RASGRP4: variants seen among roughly 807,000 people sequenced by gnomAD.
RASGRP4 encodes RAS guanyl-releasing protein 4.
A neutral mutation model predicts 84.4 loss-of-function variants in RASGRP4; 52 were observed. That is an observed-to-expected ratio of 0.62 (90% CI 0.49 to 0.78). The LOEUF is 0.78. Among genes scored for constraint, RASGRP4 ranks in the 30% least tolerant of loss-of-function variants. RASGRP4 has a pLI of 0.00. For missense variants in RASGRP4, 760 were observed against 886.9 expected (o/e 0.86, Z 1.82); for synonymous variants, 356 against 359.1 (o/e 0.99, Z 0.10).
chr19:38,411,465 G>A, intron 13 of RASGRP4, 84 bp from the exon 14 acceptor site: 1 of 1,283,598 alleles, frequency 7.8e-7, no homozygotes, highest in Middle Eastern at 1.9e-4. Context: ...GTGGAAGTGT[G>A]GAAGCTACCC....
rs1971618778 is a variant in RASGRP4, at chr19:38,418,895, G to A, written c.664-331C>T. ...ATAGAGGATAGGTAATTTGCCCAGGGTCACACAGGTGTGAGTCAGGGTGGG... is the reference window on the plus strand; with the variant it reads ...ATAGAGGATAGGTAATTTGCCCAGGATCACACAGGTGTGAGTCAGGGTGGG... On this transcript the variant is annotated intron_variant, in intron 6 of 16. Transcript: ENST00000615439. This position sits in a 1 kb window ranked among gnomAD's most constrained non-coding sequence, Gnocchi z 4.6. 1.3e-5 allele frequency among the ~76,000 whole-genome samples: 2 copies of A among 152,170 alleles called. No individual in the cohort carries two copies. Among genetic ancestry groups the A allele is most frequent in the Non-Finnish European group, 2.9e-5 (2 of 68,040 alleles).
At chr19:38,419,835 G>T (rs773251499) in intron 6 of RASGRP4, 25 bp downstream of exon 6, 1 of 1,562,866 alleles carries the variant, frequency 6.4e-7, no homozygotes, top group Admixed American at 1.9e-5. Flanking sequence ...CCCTGCTTGG[G>T]ACGGGGATGG....
Position 38,409,990 on chromosome 19 carries a change from C to T in RASGRP4, c.*50G>A, listed in dbSNP as rs1374372584. 3.9e-6 allele frequency: 6 copies of T among 1,523,210 alleles called. No individual in the cohort carries two copies. Among genetic ancestry groups the T allele is most frequent in the Admixed American group, 1.8e-5 (1 of 56,342 alleles). 94.4% of individuals were successfully genotyped at this position (1,523,210 alleles called of 1,614,324 possible). A position where few individuals can be genotyped will look rare whatever the true frequency, so the allele number is the denominator to read the frequency against. ...CCTGCCAGAGTCTGACGGCAGGACT[C>T]AGGACTGACTGGGGGAAGGGAGTGA... is the stretch of plus-strand genomic sequence containing the variant. On this transcript the variant is annotated 3_prime_UTR_variant, in exon 17 of 17. Transcript: ENST00000615439.
chr19:38,421,767 A>G (rs573897383), intron 2 of RASGRP4, among the ~76,000 whole-genome samples: 105 of 147,424 alleles, frequency 7.1e-4, no homozygotes, highest in African/African-American at 2.6e-3. Flanking sequence ...TAATATACAC[A>G]TATATTATAT....
rs1467408880 is a variant in RASGRP4, at chr19:38,411,123, G to T, written c.1844C>A (p.Ala615Asp). 5.0e-6 allele frequency: 8 copies of T among 1,613,448 alleles called. No homozygotes were observed. Among genetic ancestry groups the T allele is most frequent in the Non-Finnish European group, 5.9e-6 (7 of 1,179,738 alleles). Residue 615 changes from alanine (A) to aspartate (D), a missense_variant, in exon 15 of 17, where the codon GCC becomes GAC. Transcript: ENST00000615439. ...APVPSTPAPHASCGSEENHSY... is the reference protein window; with the variant it reads ...APVPSTPAPHDSCGSEENHSY... Reference sequence around the variant, plus strand: ...TGTGCTCTAGGTCTTACCACAGCTGGCATGGGGAGCTGGTGTGGATGGGAC... The same window carrying T: ...TGTGCTCTAGGTCTTACCACAGCTGTCATGGGGAGCTGGTGTGGATGGGAC...
intron 2 of RASGRP4, 60 bp downstream of exon 2, chr19:38,421,909 A>G: frequency 2.0e-6 from 3 of 1,469,214 alleles, no homozygotes; most frequent in Non-Finnish European, 2.8e-6. Flanking sequence ...TGAGGTGGAG[A>G]GAAGCGAGTG....
Position 38,411,137 on chromosome 19 carries a change from T to C in RASGRP4, c.1830A>G (p.Thr610=). ...AGPPGAPVPS[T]PAPHASCGSE... is the part of the protein sequence containing the mutation. ...TACCACAGCTGGCATGGGGAGCTGG[T>C]GTGGATGGGACAGGAGCTCCGGGGG... Residue 610 remains threonine (T), a synonymous_variant, in exon 15 of 17, where the codon ACA becomes ACG. Coordinates refer to ENST00000615439, the MANE Select transcript of RASGRP4 (RefSeq NM_170604.3). The C allele has an allele frequency of 1.9e-6, 3 of 1,613,766 alleles. No homozygotes were observed. Among genetic ancestry groups the C allele is most frequent in the South Asian group, 2.2e-5 (2 of 91,088 alleles).
At position 38,412,124 on chromosome 19, in the gene RASGRP4, TG is replaced by T. The variant is rs1971287352; in HGVS notation, c.1680+547del. On this transcript the variant is annotated intron_variant, in intron 13 of 16. Transcript: ENST00000615439. The surrounding 1 kb of genome is among the most constrained non-coding windows in gnomAD (Gnocchi z 4.6). ...TTGTTGTTGTTGTTGTTGTTGTTGT[TG>T]TTGTTGTTTTTGAGACAGAATCTCG... is the stretch of plus-strand genomic sequence containing the variant. Among the ~76,000 whole-genome samples, 1 of 137,438 alleles carries T rather than the reference TG, an allele frequency of 7.3e-6. No individual in the cohort carries two copies. Among genetic ancestry groups the T allele is most frequent in the South Asian group, 2.1e-4 (1 of 4,706 alleles). The allele number at this position is 137,438 out of a possible 152,430, so 90.2% of individuals were successfully genotyped here.
intron 1 of RASGRP4, among the ~76,000 whole-genome samples, chr19:38,424,814 C>T (rs1355076348): frequency 4.6e-5 from 7 of 151,954 alleles, no homozygotes; most frequent in Admixed American, 3.9e-4. Flanking sequence ...AGTGTGGGCA[C>T]CCAGCTAGTA....
chr19:38,414,291 G>A (rs1971400249), intron 9 of RASGRP4, among the ~76,000 whole-genome samples: 1 of 151,894 alleles, frequency 6.6e-6, no homozygotes, highest in Admixed American at 6.6e-5. Context: ...ACCCTCTGAA[G>A]TGGGTCCTTT....
Position 38,410,913 on chromosome 19 carries a change from G to A in RASGRP4, c.1938C>T (p.Ser646=). 2 of 1,602,210 alleles carry A rather than the reference G, an allele frequency of 1.2e-6. No homozygotes were observed. The highest frequency in any genetic ancestry group is 1.1e-5 in the South Asian group (1 of 88,720). ...QLRHAWTQTE[S]PHPSWETDTV... ...TATCTGTTTCCCAGGAAGGGTGTGG[G>A]GATTCAGTCTGGGTCCAGGCATGGC... Residue 646 remains serine (S), a synonymous_variant, in exon 16 of 17, where the codon TCC becomes TCT. Transcript: ENST00000615439.
intron 4 of RASGRP4, 57 bp from the exon 5 acceptor site, chr19:38,420,319 G>C: frequency 1.9e-6 from 3 of 1,573,324 alleles, no homozygotes; most frequent in Non-Finnish European, 2.6e-6. Context: ...GTCTCTACAA[G>C]GGGTATTTTG....
Position 38,418,271 on chromosome 19 carries a change from CG to C in RASGRP4, c.837+119del. ...AATGCCCAGGCTGTGGCCTCGGGGG[CG>C]GGGCCGGGAGATGCGTGACGTCACC... On this transcript the variant is annotated intron_variant, in intron 7 of 16. Coordinates refer to ENST00000615439, the MANE Select transcript of RASGRP4 (RefSeq NM_170604.3). The surrounding 1 kb of genome is among the most constrained non-coding windows in gnomAD (Gnocchi z 4.6). The C allele has an allele frequency of 9.6e-7, 1 of 1,037,802 alleles. No individual in the cohort carries two copies. Among genetic ancestry groups the C allele is most frequent in the African/African-American group, 1.6e-5 (1 of 62,586 alleles). 64.3% of individuals were successfully genotyped at this position (1,037,802 alleles called of 1,614,324 possible). A position where few individuals can be genotyped will look rare whatever the true frequency, so the allele number is the denominator to read the frequency against.
Position 38,410,960 on chromosome 19 carries a change from G to A in RASGRP4, c.1891C>T (p.Pro631Ser), listed in dbSNP as rs1484443791. The A allele has an allele frequency of 1.9e-6, 3 of 1,603,076 alleles. No individual in the cohort carries two copies. Among genetic ancestry groups the A allele is most frequent in the East Asian group, 2.2e-5 (1 of 44,514 alleles). Residue 631 changes from proline (P) to serine (S), a missense_variant, in exon 16 of 17, where the codon CCT becomes TCT. By Grantham distance (74) the Pro-to-Ser change is moderately conservative. Transcript: ENST00000615439. ...ENHSYTLSLEPETGCQLRHAW... is the reference protein window; with the variant it reads ...ENHSYTLSLESETGCQLRHAW... Reference sequence around the variant, plus strand: ...TGGCGAAGCTGGCACCCAGTCTCAGGCTCCAGGGATAGCGTGTAGGAGTGA... The same window carrying A: ...TGGCGAAGCTGGCACCCAGTCTCAGACTCCAGGGATAGCGTGTAGGAGTGA...
intron 2 of RASGRP4, 24 bp downstream of exon 2, chr19:38,421,945 G>A: frequency 1.3e-6 from 2 of 1,596,894 alleles, no homozygotes; most frequent in Non-Finnish European, 1.7e-6. Flanking sequence ...GGGCCAGGGA[G>A]GCTGCTGGGG....
At chr19:38,422,197 G>C (rs79461922) in intron 1 of RASGRP4, 44 bp from the exon 2 acceptor site, 1 of 1,536,800 alleles carries the variant, frequency 6.5e-7, no homozygotes, top group Non-Finnish European at 8.8e-7. Context: ...ACCTTCTTTC[G>C]GACAGACCCT....
Position 38,417,184 on chromosome 19 carries a change from T to C in RASGRP4, c.838-16A>G. 6.6e-7 allele frequency: 1 copy of C among 1,514,222 alleles called. No individual in the cohort carries two copies. The highest frequency in any genetic ancestry group is 2.4e-5 in the East Asian group (1 of 40,830). 93.8% of individuals were successfully genotyped at this position (1,514,222 alleles called of 1,614,324 possible). Reference sequence around the variant, plus strand: ...GGTGGAGCCTCTAGGAAGAGAAGCATGCACACAGGGCCGTCACGGGAGGGA... The same window carrying C: ...GGTGGAGCCTCTAGGAAGAGAAGCACGCACACAGGGCCGTCACGGGAGGGA... On this transcript the variant is annotated splice_polypyrimidine_tract_variant and intron_variant, in intron 7 of 16. Coordinates refer to ENST00000615439, the MANE Select transcript of RASGRP4 (RefSeq NM_170604.3). This position sits in a 1 kb window ranked among gnomAD's most constrained non-coding sequence, Gnocchi z 5.1.
At chr19:38,420,435 T>G (rs1244762458) in intron 4 of RASGRP4, among the ~76,000 whole-genome samples, 173 bp from the exon 5 acceptor site, 1 of 137,402 alleles carries the variant, frequency 7.3e-6, no homozygotes, top group Non-Finnish European at 1.6e-5. Context: ...ATCTCTGGAG[T>G]AGGATGGGGG....
At position 38,413,501 on chromosome 19, in the gene RASGRP4, C is replaced by G. The variant is rs1160570011; in HGVS notation, c.1231-27G>C. ...TGGAGCAGACAGGGGTGTTACGGAT[C>G]CTCCCATCTATAGCCCTGCCCCAGA... On this transcript the variant is annotated intron_variant, in intron 9 of 16. Transcript: ENST00000615439. This position sits in a 1 kb window ranked among gnomAD's most constrained non-coding sequence, Gnocchi z 4.7. 1 of 1,560,062 alleles carries G rather than the reference C, an allele frequency of 6.4e-7. No individual in the cohort carries two copies. The highest frequency in any genetic ancestry group is 2.4e-5 in the East Asian group (1 of 42,374).
Sources: gnomAD v4.1 joint callset for allele counts (sites outside exome capture counted in the v4.1 genomes callset) on GRCh38, gnomAD v4.1.1 for gene constraint, Gnocchi (gnomAD v3.1) non-coding constraint, MANE v1.5 for transcripts, NCBI Gene and HGNC (gene_info 2026-07-23, HGNC 2026-07-21) for gene names.